Variants in PDZD2 observed in about 807,000 individuals in gnomAD.
The protein encoded by PDZD2 is PDZ domain containing 2.
A neutral mutation model predicts 220.7 loss-of-function variants in PDZD2; 90 were observed. The ratio of observed to expected loss-of-function variants is 0.41; its 90% CI spans 0.34 to 0.49. The LOEUF is 0.49. PDZD2 is among the 20% of genes least tolerant of loss of function. The pLI is 0.28. For synonymous variants in PDZD2, 1,375 were observed against 1,450.5 expected (o/e 0.95, Z 1.18); for missense variants, 3,174 against 3,608.5 (o/e 0.88, Z 3.08).
chr5:32,037,967 G>A (rs1357986859), intron 7 of PDZD2, among the ~76,000 whole-genome samples: 1 of 151,098 alleles, frequency 6.6e-6, no homozygotes, highest in Admixed American at 6.6e-5. Flanking sequence ...TCAAACTCCC[G>A]AGTAGCTGGG....
At chr5:32,081,380 A>G (rs1184664308) in intron 19 of PDZD2, among the ~76,000 whole-genome samples, 2 of 152,208 alleles carry the variant, frequency 1.3e-5, no homozygotes, top group African/African-American at 4.8e-5. Flanking sequence ...AGGCAATGAT[A>G]TATGTGCTAT....
At chr5:31,992,817 C>T (rs374400681) in intron 3 of PDZD2, among the ~76,000 whole-genome samples, 3 of 149,212 alleles carry the variant, frequency 2.0e-5, no homozygotes, top group Non-Finnish European at 4.4e-5. Context: ...ATATCTTCCA[C>T]GGAAAAAAAC....
chr5:32,109,959 C>T lies in PDZD2; in HGVS notation c.*1824C>T, dbSNP rs1745214870. On this transcript the variant is annotated 3_prime_UTR_variant, in exon 25 of 25. Coordinates refer to ENST00000438447, the MANE Select transcript of PDZD2 (RefSeq NM_178140.4). ...TGGTACAGGAGTTAGTTAGAAAGGT[C>T]TTATTGATTTTACTTCTACTTTTCA... The T allele has an allele frequency of 6.6e-6, 1 of 152,570 alleles. No individual in the cohort carries two copies. 9.5% of individuals were successfully genotyped at this position (152,570 alleles called of 1,614,324 possible). A position where few individuals can be genotyped will look rare whatever the true frequency, so the allele number is the denominator to read the frequency against.
At position 31,760,291 on chromosome 5, in the gene PDZD2, CAT is replaced by C. The variant is rs1413566567; in HGVS notation, c.-360-38596_-360-38595del. 2.6e-5 allele frequency among the ~76,000 whole-genome samples: 4 copies of C among 152,182 alleles called. 1 individual carries two copies. ...GGTGCTTGAACAACAATGAACCAAA[CAT>C]AGTTTCTGGCATGAAATAATTTCAG... On this transcript the variant is annotated intron_variant, in intron 1 of 24. Coordinates refer to ENST00000438447, the MANE Select transcript of PDZD2 (RefSeq NM_178140.4).
chr5:31,788,589 C>T (rs1447328058), intron 1 of PDZD2, among the ~76,000 whole-genome samples: 1 of 152,134 alleles, frequency 6.6e-6, no homozygotes, highest in African/African-American at 2.4e-5. Flanking sequence ...TGGCGTGAAC[C>T]TGGGAGGCGG....
chr5:31,818,621 T>C (rs774062602), intron 2 of PDZD2, among the ~76,000 whole-genome samples: 3 of 152,162 alleles, frequency 2.0e-5, no homozygotes, highest in South Asian at 2.1e-4. Flanking sequence ...CCCTGGACCA[T>C]TTGCAAGCTC....
Position 32,053,814 on chromosome 5 carries a change from CA to C in PDZD2, c.1832del (p.Gln611ArgfsTer28). On this transcript the variant is annotated frameshift_variant, in exon 10 of 25. Coordinates refer to ENST00000438447, the MANE Select transcript of PDZD2 (RefSeq NM_178140.4). LOFTEE classifies it high-confidence loss of function. ...TGGAGGTCGAGACTGCATTCGTGGACAGATGGGGATTTTTGTCAAGACCATC... is the reference window on the plus strand; with the variant it reads ...TGGAGGTCGAGACTGCATTCGTGGACGATGGGGATTTTTGTCAAGACCATC... ...IAGGRDCIRG[Q>X]MGIFVKTIFP... 1 of 1,613,476 alleles carries C rather than the reference CA, an allele frequency of 6.2e-7. No individual in the cohort carries two copies. The highest frequency in any genetic ancestry group is 8.5e-7 in the Non-Finnish European group (1 of 1,179,462).
At chr5:31,757,811 C>T (rs1232567325) in intron 1 of PDZD2, among the ~76,000 whole-genome samples, 1 of 152,206 alleles carries the variant, frequency 6.6e-6, no homozygotes, top group African/African-American at 2.4e-5. Flanking sequence ...TGTCATTTGC[C>T]ACCTGTGAGG....
chr5:31,657,362 G>C (rs933927751), intron 1 of PDZD2: 10 of 152,302 alleles, frequency 6.6e-5, no homozygotes, highest in African/African-American at 9.6e-5. Flanking sequence ...TGTTCATCCA[G>C]AGAGAAAGTT....
chr5:32,005,192 C>T (rs1285346314), intron 5 of PDZD2, among the ~76,000 whole-genome samples: 2 of 152,166 alleles, frequency 1.3e-5, no homozygotes, highest in Admixed American at 6.5e-5. Context: ...GAGCTTTTGA[C>T]TTGCTGAATA....
At chr5:32,018,846 C>T (rs1056190313) in intron 6 of PDZD2, among the ~76,000 whole-genome samples, 1 of 152,284 alleles carries the variant, frequency 6.6e-6, no homozygotes, top group African/African-American at 2.4e-5. Flanking sequence ...ATAGGAAAGA[C>T]GAGACTGCAA....
chr5:31,693,552 T>C, intron 1 of PDZD2, among the ~76,000 whole-genome samples: 1 of 152,142 alleles, frequency 6.6e-6, no homozygotes, highest in Non-Finnish European at 1.5e-5. Context: ...AAAGCACTTT[T>C]TTTTTTCTGT....
At chr5:31,745,390 G>C (rs1750536008) in intron 1 of PDZD2, among the ~76,000 whole-genome samples, 1 of 152,084 alleles carries the variant, frequency 6.6e-6, no homozygotes, top group South Asian at 2.1e-4. Context: ...CCAGCATCTA[G>C]AATAGTGTCT....
chr5:31,645,265 C>T (rs1745091606), intron 1 of PDZD2, among the ~76,000 whole-genome samples: 1 of 151,952 alleles, frequency 6.6e-6, no homozygotes, highest in Admixed American at 6.6e-5. Flanking sequence ...ACAGTGATGC[C>T]CCAGACTGGT....
chr5:31,924,728 G>T (rs1400259133), intron 2 of PDZD2, among the ~76,000 whole-genome samples: 1 of 152,202 alleles, frequency 6.6e-6, no homozygotes, highest in South Asian at 2.1e-4. Flanking sequence ...ATACCCCAAA[G>T]ATTTAGAGAA....
At chr5:31,771,886 ATAAT>A (rs138585278) in intron 1 of PDZD2, among the ~76,000 whole-genome samples, 3,945 of 152,184 alleles carry the variant, frequency 0.026, 50 homozygotes, top group African/African-American at 0.036. Context: ...ATTAAATGAG[ATAAT>A]TAGATTAGAT....
At chr5:32,079,489 T>C (rs1741699089) in intron 19 of PDZD2, among the ~76,000 whole-genome samples, 1 of 151,614 alleles carries the variant, frequency 6.6e-6, no homozygotes. Flanking sequence ...AAAGATAGCC[T>C]TCCTTTTTAG....
chr5:32,039,299 G>A lies in PDZD2; in HGVS notation c.1519+1957G>A, dbSNP rs1755827942. Among the ~76,000 whole-genome samples, 3 of 151,840 alleles carry A rather than the reference G, an allele frequency of 2.0e-5. No homozygotes were observed. The Admixed American group carries it at 2.0e-4, about 10-fold the overall frequency. ...TTTTTGTATTTTTGGTGGAGACGGG[G>A]TTTCGCCGCGTTGACCGGGCTGGTC... is the stretch of plus-strand genomic sequence containing the variant. On this transcript the variant is annotated intron_variant, in intron 7 of 24. Transcript: ENST00000438447.
At chr5:31,726,048 G>A in intron 1 of PDZD2, 2 of 336,518 alleles carry the variant, frequency 5.9e-6, no homozygotes, top group Non-Finnish European at 1.1e-5. Context: ...GAAGGCAGGA[G>A]CACAGCTCTG....
Sources: allele counts gnomAD v4.1 joint callset (sites outside exome capture counted in the v4.1 genomes callset), GRCh38; gene constraint gnomAD v4.1.1; transcripts MANE v1.5; gene names NCBI Gene and HGNC (gene_info 2026-07-23, HGNC 2026-07-21).